Variants in LINGO1 observed in about 807,000 individuals in gnomAD.
LINGO1 encodes the protein leucine-rich repeat and immunoglobulin-like domain-containing nogo receptor-interacting protein 1.
LINGO1 carries 11 observed loss-of-function variants against 37.3 expected under a neutral mutation model. The ratio of observed to expected loss-of-function variants is 0.29; its 90% confidence interval spans 0.19 to 0.49. The LOEUF is 0.49. LINGO1 is among the 20% of genes least tolerant of loss of function. The pLI is 0.99. For synonymous variants in LINGO1, 387 were observed against 403.0 expected (o/e 0.96, Z 0.48); for missense variants, 585 against 878.2 (o/e 0.67, Z 4.22).
At position 77,761,941 on chromosome 15, in the gene LINGO1, G is replaced by A. The variant is rs564302226; in HGVS notation, c.-257+24928C>T. 1.0e-3 allele frequency among the ~76,000 whole-genome samples: 154 copies of A among 152,238 alleles called. 2 individuals carry two copies. Among genetic ancestry groups the A allele is most frequent in the African/African-American group, 3.3e-3 (137 of 41,540 alleles). On this transcript the variant is annotated intron_variant, in intron 1 of 3. Transcript: ENST00000561686. ...TGGACATGAGTGATGGAGTGAGGCC[G>A]GGATGTGATGTGCAACTCCACGCCA...
chr15:77,632,274 G>A lies in LINGO1; in HGVS notation c.6+36C>T. 7.2e-7 allele frequency: 1 copy of A among 1,396,022 alleles called. No individual in the cohort carries two copies. Among genetic ancestry groups the A allele is most frequent in the Non-Finnish European group, 9.3e-7 (1 of 1,077,118 alleles). 86.5% of individuals were successfully genotyped at this position (1,396,022 alleles called of 1,614,324 possible). A position where few individuals can be genotyped will look rare whatever the true frequency, so the allele number is the denominator to read the frequency against. ...CCCCAGGGGCACTCGCCGCGGGGCT[G>A]CCCGCTCGGGGCTCGGCCGCGGCCG... On this transcript the variant is annotated intron_variant, in intron 1 of 1. Transcript: ENST00000355300. This position sits in a 1 kb window ranked among gnomAD's most constrained non-coding sequence, Gnocchi z 6.0.
chr15:77,766,091 T>C (rs2076525095), intron 1 of LINGO1, among the ~76,000 whole-genome samples: 1 of 151,634 alleles, frequency 6.6e-6, no homozygotes. Flanking sequence ...AAGACAGAGT[T>C]CCAAACAGGG....
At chr15:77,690,189 G>C (rs2075579693) in intron 2 of LINGO1, among the ~76,000 whole-genome samples, 1 of 152,144 alleles carries the variant, frequency 6.6e-6, no homozygotes, top group South Asian at 2.1e-4. Context: ...AACATGGTTG[G>C]GGAAGGACAG....
chr15:77,752,231 A>G (rs900185814), intron 1 of LINGO1, among the ~76,000 whole-genome samples: 2 of 152,166 alleles, frequency 1.3e-5, no homozygotes, highest in Non-Finnish European at 2.9e-5. Context: ...GTCTCCCCCA[A>G]GGTGGACTGC....
At chr15:77,759,411 C>T (rs2076452565) in intron 1 of LINGO1, among the ~76,000 whole-genome samples, 1 of 152,200 alleles carries the variant, frequency 6.6e-6, no homozygotes, top group South Asian at 2.1e-4. Flanking sequence ...CTGCCAGAGG[C>T]AACTCGGTCC....
chr15:77,723,335 C>T (rs1270627804), intron 2 of LINGO1, among the ~76,000 whole-genome samples: 1 of 152,308 alleles, frequency 6.6e-6, no homozygotes, highest in South Asian at 2.1e-4. Flanking sequence ...CTGCTGAGCA[C>T]CATGATGCAG....
rs1301291601 is a variant in LINGO1, at chr15:77,629,060, C to A, written c.6+3250G>T. 2.4e-4 allele frequency among the ~76,000 whole-genome samples: 36 copies of A among 152,208 alleles called. 1 individual carries two copies. Among genetic ancestry groups the A allele is most frequent in the Non-Finnish European group, 1.5e-5 (1 of 68,042 alleles). On this transcript the variant is annotated intron_variant, in intron 1 of 1. Transcript: ENST00000355300. ...TCCCTTGAGGTGGATACTATTGTTA[C>A]TCTCACTTTATAGATAAGGAAACAG...
At chr15:77,713,210 T>TTG (rs57831674) in intron 2 of LINGO1, among the ~76,000 whole-genome samples, 8,897 of 123,546 alleles carry the variant, frequency 0.072, 428 homozygotes, top group South Asian at 0.13. Flanking sequence ...GCCCAGCTAA[T>TTG]TGTGTGTGTG....
intron 1 of LINGO1, among the ~76,000 whole-genome samples, chr15:77,692,957 T>G (rs1463051371): frequency 6.6e-6 from 1 of 152,234 alleles, no homozygotes; most frequent in African/African-American, 2.4e-5. Flanking sequence ...TGTGTGTGCT[T>G]ATGAGTGTGC....
upstream of LINGO1, among the ~76,000 whole-genome samples, chr15:77,790,082 C>A (rs1473149213): frequency 1.3e-5 from 2 of 152,160 alleles, no homozygotes; most frequent in Admixed American, 1.3e-4. Context: ...CCTGCCGACA[C>A]CTTGATTTCA....
intron 2 of LINGO1, among the ~76,000 whole-genome samples, chr15:77,714,479 C>T (rs1156891604): frequency 6.6e-6 from 1 of 152,182 alleles, no homozygotes; most frequent in African/African-American, 2.4e-5. Flanking sequence ...CTCTCTCCCC[C>T]TGCCACTGCC....
At chr15:77,729,986 C>A (rs2076139295) in intron 2 of LINGO1, among the ~76,000 whole-genome samples, 1 of 152,150 alleles carries the variant, frequency 6.6e-6, no homozygotes. Context: ...AGTTAATGTG[C>A]AAAATGGCAA....
At chr15:77,717,478 T>C (rs955546608) in intron 2 of LINGO1, among the ~76,000 whole-genome samples, 1 of 150,616 alleles carries the variant, frequency 6.6e-6, no homozygotes, top group Non-Finnish European at 1.5e-5. Context: ...ACCCCAGCCC[T>C]GCTCACAGTG....
At chr15:77,733,957 G>A (rs1048484953) in intron 2 of LINGO1, among the ~76,000 whole-genome samples, 2 of 152,222 alleles carry the variant, frequency 1.3e-5, no homozygotes, top group Non-Finnish European at 2.9e-5. Flanking sequence ...TGTGTGCCAG[G>A]CTCTTCGTAC....
rs562769653 is a variant in LINGO1 at position 77,706,306 on chromosome 15, C to T, written c.-194-15405G>A. Among the ~76,000 whole-genome samples the T allele has an allele frequency of 3.0e-3, 451 of 152,334 alleles. 6 individuals are homozygous for T. In the South Asian group the frequency reaches 0.035, roughly 12 times the overall value. ...CAGGCCCACCACGGCCTGCCAGACC[C>T]CCTGGAGTGGCCCACCTTACTCTTC... On this transcript the variant is annotated intron_variant, in intron 2 of 3. Transcript: ENST00000561686.
chr15:77,814,222 A>G (rs970632187), intron 1 of LINGO1, among the ~76,000 whole-genome samples: 1 of 152,112 alleles, frequency 6.6e-6, no homozygotes, highest in Admixed American at 6.5e-5. Flanking sequence ...TCTCCACCCC[A>G]GAAGTTTGGA....
chr15:77,704,766 T>C (rs1268444121), intron 2 of LINGO1, among the ~76,000 whole-genome samples: 1 of 152,124 alleles, frequency 6.6e-6, no homozygotes, highest in Admixed American at 6.5e-5. Context: ...TAAGCAATGG[T>C]CACACAGTGC....
In LINGO1 at chr15:77,613,817, T is replaced by C. The variant is rs931912703; in HGVS notation, c.*227A>G. Reference sequence around the variant, plus strand: ...TCGGCTTTCAACTCCAGTCTGTCAATGCCCCTGTGTAGGTGGGGTCCCCAG... The same window carrying C: ...TCGGCTTTCAACTCCAGTCTGTCAACGCCCCTGTGTAGGTGGGGTCCCCAG... On this transcript the variant is annotated 3_prime_UTR_variant, in exon 2 of 2. Transcript: ENST00000355300. 7.3e-6 allele frequency: 4 copies of C among 551,216 alleles called. No homozygotes were observed. The African/African-American group carries it at 7.5e-5, about 10-fold the overall frequency. 34.1% of individuals were successfully genotyped at this position (551,216 alleles called of 1,614,324 possible).
At chr15:77,705,204 C>CACACACACACACACACACACA (rs1332650126) in intron 2 of LINGO1, among the ~76,000 whole-genome samples, 18 of 150,306 alleles carry the variant, frequency 1.2e-4, no homozygotes, top group African/African-American at 3.7e-4. Context: ...CACACACACA[C>CACACACACACACACACACACA]ACCAGTCCAC....
Sources: allele counts gnomAD v4.1 joint callset (sites outside exome capture counted in the v4.1 genomes callset), GRCh38; gene constraint gnomAD v4.1.1; non-coding constraint Gnocchi (gnomAD v3.1); transcripts MANE v1.5; gene names NCBI Gene and HGNC (gene_info 2026-07-23, HGNC 2026-07-21).